VWF: variants seen among roughly 807,000 people sequenced by gnomAD.
VWF encodes the protein von Willebrand factor.
In VWF, 176 loss-of-function variants were observed where a neutral mutation model predicts 308.6. The observed-to-expected ratio is 0.57, with a 90% CI of 0.50 to 0.65. VWF has a LOEUF of 0.65. VWF is among the 30% of genes least tolerant of loss of function. VWF has a pLI of 0.00. For missense variants in VWF, 3,146 were observed against 3,648.2 expected (o/e 0.86, Z 3.55); for synonymous variants, 1,385 against 1,443.4 (o/e 0.96, Z 0.92).
chr12:5,968,781 G>A (rs1176512382), intron 45 of VWF, among the ~76,000 whole-genome samples: 4 of 152,216 alleles, frequency 2.6e-5, no homozygotes, highest in Non-Finnish European at 5.9e-5. Context: ...TCCAGAGATA[G>A]CGCCAGTCAC....
At chr12:5,979,560 G>C (rs1218233804) in intron 42 of VWF, among the ~76,000 whole-genome samples, 1 of 151,854 alleles carries the variant, frequency 6.6e-6, no homozygotes, top group African/African-American at 2.4e-5. Flanking sequence ...GACCATCCTG[G>C]CCAACATGGT....
intron 42 of VWF, among the ~76,000 whole-genome samples, chr12:5,978,781 C>A (rs1479245395): frequency 6.6e-6 from 1 of 152,148 alleles, no homozygotes; most frequent in Non-Finnish European, 1.5e-5. Context: ...CAATGGCAAC[C>A]CAGAGCCATA....
chr12:5,971,668 C>T lies in VWF; in HGVS notation c.7479G>A (p.Arg2493=), dbSNP rs1174500026. ...YVLHEGECCG[R]CLPSACEVVT... The stretch of plus-strand genomic sequence containing the variant: ...CCACCTCACAGGCAGATGGCAGGCA[C>T]CTTCCACAGCACTCGCCTTCATGCA... The change falls in exon 44 of 52, where the codon AGG becomes AGA. Residue 2493 remains arginine, a synonymous_variant. Coordinates refer to ENST00000261405, the MANE Select transcript of VWF (RefSeq NM_000552.5). 5 of 1,614,108 alleles carry T rather than the reference C, an allele frequency of 3.1e-6. No individual in the cohort carries two copies. The African/African-American group carries it at 4.0e-5, about 13-fold the overall frequency.
rs1357055451 is a variant in VWF at position 6,056,990 on chromosome 12, G to C, written c.1812C>G (p.Tyr604Ter). 1.3e-6 allele frequency: 2 copies of C among 1,546,032 alleles called. No homozygotes were observed. Among genetic ancestry groups the C allele is most frequent in the South Asian group, 2.4e-5 (2 of 84,428 alleles). ...ACHRAVSPLP[Y>*]LRNCRYDVCS... ...ACACGTCGTAGCGGCAGTTCCGCAG[G>C]TAGGGCAGCGGGCTGACGGCACGAT... Residue 604 changes from tyrosine to a stop codon, truncating the protein, a stop_gained, in exon 15 of 52, where the codon TAC becomes TAG. Coordinates refer to ENST00000261405, the MANE Select transcript of VWF (RefSeq NM_000552.5). LOFTEE classifies it high-confidence loss of function.
At chr12:6,073,987 T>C (rs376657819) in intron 7 of VWF, among the ~76,000 whole-genome samples, 2 of 152,196 alleles carry the variant, frequency 1.3e-5, no homozygotes, top group African/African-American at 4.8e-5. Flanking sequence ...ACCCCCACCC[T>C]TCCCCTTGGT....
chr12:5,973,654 A>AC (rs1346890696), intron 43 of VWF, among the ~76,000 whole-genome samples: 2 of 152,220 alleles, frequency 1.3e-5, no homozygotes, highest in African/African-American at 2.4e-5. Flanking sequence ...GTTCTGGCCA[A>AC]CCCCATTCCC....
In VWF at chr12:6,019,766, T is replaced by C. The variant is rs377635044; in HGVS notation, c.3675-23A>G. The C allele has an allele frequency of 1.4e-5, 22 of 1,597,564 alleles. No individual in the cohort carries two copies. The highest frequency in any genetic ancestry group is 1.6e-5 in the Non-Finnish European group (19 of 1,172,930). On this transcript the variant is annotated intron_variant, in intron 27 of 51. Transcript: ENST00000261405. The surrounding 1 kb of genome is among the most constrained non-coding windows in gnomAD (Gnocchi z 5.8). ...TGGCTGCAGAAAAGAGCGAAGAAAT[T>C]AAAATGGTTCAGGAAGAACCTGTGG... is the stretch of plus-strand genomic sequence containing the variant.
intron 3 of VWF, among the ~76,000 whole-genome samples, chr12:6,114,911 G>GGGCT (rs1945346603): frequency 1.3e-5 from 2 of 152,316 alleles, no homozygotes; most frequent in African/African-American, 4.8e-5. Context: ...GGCAGGAGTG[G>GGGCT]GGCTGCATCG....
intron 34 of VWF, among the ~76,000 whole-genome samples, chr12:6,008,569 C>T (rs115339944): frequency 6.6e-6 from 1 of 152,184 alleles, no homozygotes; most frequent in African/African-American, 2.4e-5. Flanking sequence ...AACATCACAC[C>T]GAATAGTGCA....
At chr12:6,009,488 G>A (rs1252378398) in intron 34 of VWF, among the ~76,000 whole-genome samples, 5 of 151,182 alleles carry the variant, frequency 3.3e-5, no homozygotes, top group Non-Finnish European at 7.4e-5. Context: ...GTGTTAACAA[G>A]AATGTGAAGA....
At chr12:6,102,608 G>A (rs1340782338) in intron 5 of VWF, among the ~76,000 whole-genome samples, 6 of 151,656 alleles carry the variant, frequency 4.0e-5, no homozygotes, top group East Asian at 1.9e-4. Flanking sequence ...GGTGGCAGGC[G>A]CCTGTAGTCC....
At chr12:6,088,359 G>T (rs1944995720) in intron 6 of VWF, among the ~76,000 whole-genome samples, 1 of 152,030 alleles carries the variant, frequency 6.6e-6, no homozygotes, top group South Asian at 2.1e-4. Context: ...GGCGCATGTA[G>T]TCCCAGCTAC....
rs71582884 is a variant in VWF at position 6,072,363 on chromosome 12, G to A, written c.1077C>T (p.Pro359=). The stretch of plus-strand genomic sequence containing the variant: ...TGCAGTCTCGAGAGAGGGAGGTGCC[G>A]GGAGGGTAGCGCTTTCCGGAATGCA... ...PCVHSGKRYP[P]GTSLSRDCNT... Residue 359 remains proline (P), a synonymous_variant, in exon 9 of 52, where the codon CCC becomes CCT. Transcript: ENST00000261405. 6.9e-4 allele frequency: 1,119 copies of A among 1,614,080 alleles called. 7 individuals are homozygous for A. The highest frequency in any genetic ancestry group is 4.6e-3 in the Middle Eastern group (28 of 6,062).
In VWF at chr12:6,019,244, G is replaced by T. The variant is rs555891676; in HGVS notation, c.4174C>A (p.Arg1392=). ...TAGCGGACAAAGTTCCGGGACATCC[G>T]TTGGGGCTCCTGGCTGGCCATCAGG... ...LLLMASQEPQ[R]MSRNFVRYVQ... Residue 1392 remains arginine, a synonymous_variant, in exon 28 of 52, where the codon CGG becomes AGG. Transcript: ENST00000261405. The surrounding 1 kb of genome is among the most constrained non-coding windows in gnomAD (Gnocchi z 5.8). 1.9e-6 allele frequency: 3 copies of T among 1,613,908 alleles called. No individual in the cohort carries two copies. Among genetic ancestry groups the T allele is most frequent in the East Asian group, 4.5e-5 (2 of 44,870 alleles).
chr12:5,992,011 T>G lies in VWF; in HGVS notation c.6606A>C (p.Ser2202=), dbSNP rs1326094978. The change falls in exon 38 of 52, where the codon TCA becomes TCC. Residue 2202 remains serine, a synonymous_variant. Coordinates refer to ENST00000261405, the MANE Select transcript of VWF (RefSeq NM_000552.5). Reference sequence around the variant, plus strand: ...GGTTGTAGACCAGAGATGGTGGGCATGACATAGCTGTAGACAGAGAAGGAG... The same window carrying G: ...GGTTGTAGACCAGAGATGGTGGGCAGGACATAGCTGTAGACAGAGAAGGAG... ...DWRTPDFCAM[S]CPPSLVYNHC... 1.2e-6 allele frequency: 2 copies of G among 1,613,982 alleles called. No individual in the cohort carries two copies. The highest frequency in any genetic ancestry group is 8.5e-7 in the Non-Finnish European group (1 of 1,180,018).
At position 6,044,436 on chromosome 12, in the gene VWF, G is replaced by A; in HGVS notation, c.2297C>T (p.Ser766Phe). ...PLSHRSKRSLSCRPPMVKLVC... is the reference protein window; with the variant it reads ...PLSHRSKRSLFCRPPMVKLVC... ...CAGCTTGACCATGGGGGGCCGACAGGATAGGCTCCTTTTGCCTCGAAGGTA... is the reference window on the plus strand; with the variant it reads ...CAGCTTGACCATGGGGGGCCGACAGAATAGGCTCCTTTTGCCTCGAAGGTA... Residue 766 changes from serine to phenylalanine, a missense_variant, in exon 18 of 52, where the codon TCC (serine) becomes TTC (phenylalanine). Physicochemically the swap from Ser to Phe is radical, Grantham distance 155. Around this residue, in one of 3 missense-constraint regions of VWF, gnomAD observed 1,304 missense variants for 1,353.0 expected, o/e 0.96. Coordinates refer to ENST00000261405, the MANE Select transcript of VWF (RefSeq NM_000552.5). 1 of 1,614,198 alleles carries A rather than the reference G, an allele frequency of 6.2e-7. No individual in the cohort carries two copies. Among genetic ancestry groups the A allele is most frequent in the South Asian group, 1.1e-5 (1 of 91,086 alleles).
chr12:6,075,338 ACG>A lies in VWF; in HGVS notation c.869_870del (p.Ala290ValfsTer12). ...MVLYGWTDHS[A>X]CSPVCPAGME... ...ACGGGGCAGGGGGCCGACTTACTGC[ACG>A]CGCTGTGGTCGGTCCAGCCGTACAG... On this transcript the variant is annotated frameshift_variant, in exon 7 of 52. Transcript: ENST00000261405. LOFTEE classifies it high-confidence loss of function. The surrounding 1 kb of genome is among the most constrained non-coding windows in gnomAD (Gnocchi z 4.7). 1 of 1,613,970 alleles carries A rather than the reference ACG, an allele frequency of 6.2e-7. No individual in the cohort carries two copies. Among genetic ancestry groups the A allele is most frequent in the Non-Finnish European group, 8.5e-7 (1 of 1,180,000 alleles).
At chr12:6,092,409 C>T (rs1945044985) in intron 6 of VWF, among the ~76,000 whole-genome samples, 1 of 151,688 alleles carries the variant, frequency 6.6e-6, no homozygotes, top group South Asian at 2.1e-4. Flanking sequence ...GTGATGCAAT[C>T]TCAACTCACT....
At chr12:6,091,500 GTCTC>G (rs1945034561) in intron 6 of VWF, among the ~76,000 whole-genome samples, 1 of 152,066 alleles carries the variant, frequency 6.6e-6, no homozygotes, top group Admixed American at 6.5e-5. Flanking sequence ...ATTATATACT[GTCTC>G]TATAGCCCAA....
Sources: gnomAD v4.1 joint callset for allele counts (sites outside exome capture counted in the v4.1 genomes callset) on GRCh38, gnomAD v4.1.1 for gene constraint, gnomAD v4.1.1 regional missense constraint, Gnocchi (gnomAD v3.1) non-coding constraint, MANE v1.5 for transcripts, NCBI Gene and HGNC (gene_info 2026-07-23, HGNC 2026-07-21) for gene names.